Variants in AK8 observed in about 807,000 individuals in gnomAD.
AK8 encodes the protein adenylate kinase 8.
A neutral mutation model predicts 54.6 loss-of-function variants in AK8; 44 were observed. The observed-to-expected ratio is 0.81, with a 90% CI of 0.63 to 1.04. The LOEUF (loss-of-function observed/expected upper bound fraction) is 1.04, where lower values mean the gene tolerates loss of function less well. Ranked by LOEUF, AK8 falls within the 50% of genes least tolerant of loss-of-function variation. The pLI is 0.00. For missense variants in AK8, 555 were observed against 613.6 expected (o/e 0.90, Z 1.01); for synonymous variants, 239 against 245.6 (o/e 0.97, Z 0.25).
intron 11 of AK8, among the ~76,000 whole-genome samples, chr9:132,774,840 C>G (rs1839138326): frequency 1.3e-5 from 2 of 152,166 alleles, no homozygotes; most frequent in Non-Finnish European, 2.9e-5. Context: ...TTTATCTTCT[C>G]CAATGTCTTA....
In AK8 at chr9:132,823,256, C is replaced by A; in HGVS notation, c.838G>T (p.Gly280Trp). Residue 280 changes from glycine (G) to tryptophan (W), a missense_variant, in exon 9 of 13, where the codon GGG becomes TGG. Physicochemically the swap from Gly to Trp is radical, Grantham distance 184 (BLOSUM62 -2). Transcript: ENST00000298545. Reference protein sequence around the residue: ...RVLLLGPVGSGKSLQAALLAQ... With the variant: ...RVLLLGPVGSWKSLQAALLAQ... ...AGGAGGGCGGCCTGCAGACTTTTCC[C>A]ACTGCCCACAGGCCCGAGCAGCAGC... 6.2e-7 allele frequency: 1 copy of A among 1,606,974 alleles called. No individual in the cohort carries two copies. Among genetic ancestry groups the A allele is most frequent in the African/African-American group, 1.3e-5 (1 of 74,584 alleles).
chr9:132,731,892 G>T (rs1417706147), intron 11 of AK8, among the ~76,000 whole-genome samples: 3 of 152,174 alleles, frequency 2.0e-5, no homozygotes, highest in Non-Finnish European at 2.9e-5. Context: ...AAAAAACAAA[G>T]GTAGGTGGTC....
At chr9:132,878,701 A>AG (rs1844274814), upstream of AK8, 7 of 987,428 alleles carry the variant, frequency 7.1e-6, no homozygotes, top group Non-Finnish European at 8.4e-6. The surrounding 1 kb of genome is among the most constrained non-coding windows in gnomAD (Gnocchi z 4.7). Context: ...TTGAAGGGGG[A>AG]GGGGCGTCCA....
chr9:132,798,514 A>T (rs1564406803), intron 10 of AK8, among the ~76,000 whole-genome samples: 1 of 152,140 alleles, frequency 6.6e-6, no homozygotes, highest in Non-Finnish European at 1.5e-5. Context: ...GTCTTTCACC[A>T]TTAAGTCAGA....
chr9:132,774,696 G>C (rs1251839850), intron 11 of AK8, among the ~76,000 whole-genome samples: 1 of 152,178 alleles, frequency 6.6e-6, no homozygotes, highest in Admixed American at 6.5e-5. Flanking sequence ...TGCCAAAAAT[G>C]GGGGCGTCTC....
chr9:132,820,695 T>C (rs955840659), intron 9 of AK8, among the ~76,000 whole-genome samples: 2 of 152,246 alleles, frequency 1.3e-5, no homozygotes, highest in African/African-American at 4.8e-5. Context: ...AAGTGAGGTC[T>C]TCTGATGAAC....
chr9:132,822,249 A>G (rs532966959), intron 9 of AK8, among the ~76,000 whole-genome samples: 4 of 76,270 alleles, frequency 5.2e-5, no homozygotes, highest in African/African-American at 1.7e-4. Flanking sequence ...AAATATATAC[A>G]TATATGTGTA....
chr9:132,868,902 G>A (rs972174640), intron 2 of AK8, among the ~76,000 whole-genome samples: 1 of 152,162 alleles, frequency 6.6e-6, no homozygotes, highest in African/African-American at 2.4e-5. Flanking sequence ...GAAGAAAAGG[G>A]GGTTGATTGC....
At chr9:132,840,369 ACCT>A (rs2131342745) in intron 5 of AK8, among the ~76,000 whole-genome samples, 1 of 149,336 alleles carries the variant, frequency 6.7e-6, no homozygotes, top group African/African-American at 2.5e-5. Context: ...ACCATTCCTA[ACCT>A]CCAGAGTGGT....
At chr9:132,750,100 C>T (rs1837838981) in intron 11 of AK8, among the ~76,000 whole-genome samples, 1 of 151,038 alleles carries the variant, frequency 6.6e-6, no homozygotes, top group Non-Finnish European at 1.5e-5. Flanking sequence ...TTCTTGGCCT[C>T]TCTGTGCCCA....
intron 11 of AK8, among the ~76,000 whole-genome samples, chr9:132,749,578 T>C (rs910798674): frequency 9.9e-5 from 15 of 151,864 alleles, no homozygotes; most frequent in African/African-American, 3.6e-4. Context: ...CGATATCGGC[T>C]GGTGAGTGAC....
chr9:132,817,722 G>T (rs1453603951), intron 9 of AK8, among the ~76,000 whole-genome samples: 2 of 152,160 alleles, frequency 1.3e-5, no homozygotes, highest in African/African-American at 2.4e-5. Context: ...AAATCTAAGA[G>T]ACCTAGAGGA....
intron 11 of AK8, among the ~76,000 whole-genome samples, chr9:132,729,570 CTCATTTGTCCTTTAAT>C (rs1463528527): frequency 6.6e-6 from 1 of 152,222 alleles, no homozygotes; most frequent in African/African-American, 2.4e-5. Flanking sequence ...TCACTATTTG[CTCATTTGTCCTTTAAT>C]TCATTTATAC....
At chr9:132,765,490 C>A (rs901324382) in intron 11 of AK8, among the ~76,000 whole-genome samples, 2 of 149,186 alleles carry the variant, frequency 1.3e-5, no homozygotes, top group African/African-American at 4.9e-5. Flanking sequence ...TGATAAAAAC[C>A]CTTAACAAGC....
chr9:132,872,685 G>A (rs1843903446), intron 2 of AK8, among the ~76,000 whole-genome samples: 2 of 151,798 alleles, frequency 1.3e-5, no homozygotes, highest in African/African-American at 4.8e-5. Context: ...CCAGGCTGGA[G>A]TGCAGTGGTG....
At position 132,790,546 on chromosome 9, in the gene AK8, G is replaced by A. The variant is rs189507496; in HGVS notation, c.1121+2088C>T. ...ATTACAGGCGTGAGCCACTGTGCCC[G>A]GCCAACTTCTTTAACTTCATACAAA... On this transcript the variant is annotated intron_variant, in intron 11 of 12. Transcript: ENST00000298545. This position sits in a 1 kb window ranked among gnomAD's most constrained non-coding sequence, Gnocchi z 4.1. Among the ~76,000 whole-genome samples, 203 of 152,150 alleles carry A rather than the reference G, an allele frequency of 1.3e-3. No individual in the cohort carries two copies. The highest frequency in any genetic ancestry group is 3.4e-3 in the Middle Eastern group (1 of 294).
In AK8 at chr9:132,792,572, G is replaced by C. The variant is rs1206367696; in HGVS notation, c.1121+62C>G. The C allele has an allele frequency of 3.3e-6, 5 of 1,517,880 alleles. No homozygotes were observed. The African/African-American group carries it at 6.9e-5, about 21-fold the overall frequency. The allele number at this position is 1,517,880 out of a possible 1,614,324, so 94.0% of individuals were successfully genotyped here. A position where few individuals can be genotyped will look rare whatever the true frequency, so the allele number is the denominator to read the frequency against. On this transcript the variant is annotated intron_variant, in intron 11 of 12. Coordinates refer to ENST00000298545, the MANE Select transcript of AK8 (RefSeq NM_152572.3). ...GTGTAACCTGGACCCCTTCAGCTGA[G>C]CCCTGGAGAGGGGGTGCCCAGGGGC... is the stretch of plus-strand genomic sequence containing the variant.
At chr9:132,828,342 C>T (rs1034239227) in intron 6 of AK8, among the ~76,000 whole-genome samples, 3 of 152,344 alleles carry the variant, frequency 2.0e-5, no homozygotes, top group Non-Finnish European at 4.4e-5. Flanking sequence ...TCACAGATAA[C>T]GCCACAATGG....
At chr9:132,815,299 T>C (rs187607432) in intron 9 of AK8, among the ~76,000 whole-genome samples, 1 of 152,240 alleles carries the variant, frequency 6.6e-6, no homozygotes, top group African/African-American at 2.4e-5. Context: ...ACCATGTGGC[T>C]GTAATCCCAG....
Sources: gnomAD v4.1 joint callset for allele counts (sites outside exome capture counted in the v4.1 genomes callset) on GRCh38, gnomAD v4.1.1 for gene constraint, Gnocchi (gnomAD v3.1) non-coding constraint, MANE v1.5 for transcripts, NCBI Gene and HGNC (gene_info 2026-07-23, HGNC 2026-07-21) for gene names.